The following DLGAP1 variants were observed in gnomAD, a reference collection of about 807,000 sequenced individuals.
DLGAP1 encodes disks large-associated protein 1.
DLGAP1 carries 11 observed loss-of-function variants against 90.8 expected under a neutral mutation model. The ratio of observed to expected loss-of-function variants is 0.12; its 90% CI spans 0.08 to 0.20. The LOEUF (loss-of-function observed/expected upper bound fraction) is 0.20, where lower values mean the gene tolerates loss of function less well. Ranked by LOEUF, DLGAP1 falls within the 10% of genes least tolerant of loss-of-function variation. DLGAP1 has a pLI of 1.00. For missense variants in DLGAP1, 1,050 were observed against 1,333.8 expected, an observed-to-expected ratio of 0.79 and a Z score of 3.31; for synonymous variants, 558 against 540.7, an observed-to-expected ratio of 1.03 and a Z score of -0.44.
intron 1 of DLGAP1, among the ~76,000 whole-genome samples, chr18:4,320,752 ACACACACACAC>A (rs1178731744): frequency 8.1e-5 from 10 of 123,304 alleles, no homozygotes; most frequent in Non-Finnish European, 1.7e-5. Context: ...ACACACACAC[ACACACACACAC>A]AATACCAATG....
At chr18:3,764,071 G>A (rs1323216135) in intron 5 of DLGAP1, among the ~76,000 whole-genome samples, 1 of 152,182 alleles carries the variant, frequency 6.6e-6, no homozygotes, top group Admixed American at 6.5e-5. Flanking sequence ...AATTTACTGA[G>A]TGCGTTACAT....
intron 5 of DLGAP1, among the ~76,000 whole-genome samples, chr18:3,801,269 C>T (rs1024782034): frequency 1.3e-5 from 2 of 152,162 alleles, no homozygotes; most frequent in African/African-American, 4.8e-5. Context: ...GGACAAACAC[C>T]CAAACTATAC....
intron 1 of DLGAP1, among the ~76,000 whole-genome samples, chr18:4,179,542 T>C (rs2077172099): frequency 6.6e-6 from 1 of 152,178 alleles, no homozygotes; most frequent in Admixed American, 6.5e-5. Flanking sequence ...TTATAAGACA[T>C]ACTATCATCA....
At chr18:4,446,382 CAT>C (rs1382668416) in intron 1 of DLGAP1, among the ~76,000 whole-genome samples, 1 of 152,006 alleles carries the variant, frequency 6.6e-6, no homozygotes, top group African/African-American at 2.4e-5. Context: ...AGAGATTAGA[CAT>C]CCCATTAAGA....
At chr18:3,848,733 G>A (rs1054802199) in intron 4 of DLGAP1, among the ~76,000 whole-genome samples, 5 of 151,970 alleles carry the variant, frequency 3.3e-5, no homozygotes, top group African/African-American at 7.3e-5. Context: ...TGGAATCTCC[G>A]GAAACCACCC....
At chr18:4,394,258 C>T (rs1303515918) in intron 1 of DLGAP1, among the ~76,000 whole-genome samples, 7 of 152,102 alleles carry the variant, frequency 4.6e-5, no homozygotes, top group South Asian at 2.1e-4. Flanking sequence ...ACACGGATTT[C>T]GCTTTTGCTA....
At chr18:4,119,003 T>C (rs1036727907) in intron 2 of DLGAP1, among the ~76,000 whole-genome samples, 6 of 152,210 alleles carry the variant, frequency 3.9e-5, no homozygotes, top group Non-Finnish European at 8.8e-5. Context: ...TAACGACTCC[T>C]ACCTTTGGGT....
intron 9 of DLGAP1, among the ~76,000 whole-genome samples, chr18:3,559,103 G>GT (rs1419970495): frequency 6.6e-6 from 1 of 152,116 alleles, no homozygotes; most frequent in East Asian, 1.9e-4. Context: ...CCTAGAAAAC[G>GT]TAGCATTCCT....
chr18:4,250,863 A>G (rs753934470), intron 1 of DLGAP1, among the ~76,000 whole-genome samples: 8 of 152,182 alleles, frequency 5.3e-5, no homozygotes, highest in Non-Finnish European at 1.2e-4. Flanking sequence ...ATAAAACCCT[A>G]AAGTATGAAT....
At chr18:3,942,390 T>G (rs2072787231) in intron 3 of DLGAP1, among the ~76,000 whole-genome samples, 1 of 152,228 alleles carries the variant, frequency 6.6e-6, no homozygotes, top group African/African-American at 2.4e-5. Context: ...CAGTCGGAGC[T>G]TTCCACCTCT....
chr18:3,725,452 T>C (rs374379714), intron 7 of DLGAP1, among the ~76,000 whole-genome samples: 7 of 152,092 alleles, frequency 4.6e-5, no homozygotes, highest in East Asian at 1.9e-4. Flanking sequence ...AGCATCAAGT[T>C]CTACTGTTAC....
At chr18:3,819,650 T>G (rs533472887) in intron 4 of DLGAP1, among the ~76,000 whole-genome samples, 5 of 152,344 alleles carry the variant, frequency 3.3e-5, no homozygotes, top group Non-Finnish European at 5.9e-5. Context: ...GTAAATATTA[T>G]AACCTCAGTT....
intron 2 of DLGAP1, among the ~76,000 whole-genome samples, chr18:4,150,950 A>G (rs921747803): frequency 6.6e-6 from 1 of 152,224 alleles, no homozygotes; most frequent in African/African-American, 2.4e-5. Context: ...ATGAAGATTA[A>G]ATATATAAAA....
chr18:3,868,111 G>A (rs890356186), intron 4 of DLGAP1, among the ~76,000 whole-genome samples: 1 of 152,130 alleles, frequency 6.6e-6, no homozygotes, highest in Non-Finnish European at 1.5e-5. Context: ...ATTTATAGGC[G>A]TTTTTGACTA....
chr18:4,001,781 T>C (rs2074190874), intron 3 of DLGAP1, among the ~76,000 whole-genome samples: 1 of 152,172 alleles, frequency 6.6e-6, no homozygotes, highest in Non-Finnish European at 1.5e-5. Context: ...TTAGGGTCCA[T>C]GGGGCACAGG....
chr18:4,107,173 A>G (rs55932683), intron 2 of DLGAP1, among the ~76,000 whole-genome samples: 7,424 of 152,268 alleles, frequency 0.049, 579 homozygotes, highest in African/African-American at 0.16. Flanking sequence ...CAAAACACAC[A>G]TGGTGCTTAG....
At chr18:3,661,571 CTTTTTTTTTT>C (rs10549959) in intron 7 of DLGAP1, among the ~76,000 whole-genome samples, 42,204 of 125,420 alleles carry the variant, frequency 0.34, 7,136 homozygotes, top group African/African-American at 0.52. Flanking sequence ...GCTGTAAGGT[CTTTTTTTTTT>C]TTTTTTTTTT....
chr18:3,531,852 ATTTTCTTT>A (rs1376640400), intron 10 of DLGAP1, among the ~76,000 whole-genome samples: 3 of 151,652 alleles, frequency 2.0e-5, no homozygotes, highest in Non-Finnish European at 4.4e-5. Flanking sequence ...GATGCCTTGG[ATTTTCTTT>A]TTTTCTTTTT....
At chr18:3,549,595 T>C (rs2053262467) in intron 9 of DLGAP1, among the ~76,000 whole-genome samples, 1 of 152,124 alleles carries the variant, frequency 6.6e-6, no homozygotes. Flanking sequence ...CCTCCCAAAG[T>C]TTTGGGATCA....
Sources: gnomAD v4.1 joint callset for allele counts (sites outside exome capture counted in the v4.1 genomes callset) on GRCh38, gnomAD v4.1.1 for gene constraint, MANE v1.5 for transcripts, NCBI Gene and HGNC (gene_info 2026-07-23, HGNC 2026-07-21) for gene names.